ZDHHC21: variants seen among roughly 807,000 people sequenced by gnomAD.
The protein encoded by ZDHHC21 is zDHHC palmitoyltransferase 21.
In ZDHHC21, 15 loss-of-function variants were observed where a neutral mutation model predicts 34.6. The ratio of observed to expected loss-of-function variants is 0.43; its 90% CI spans 0.29 to 0.67. ZDHHC21 has a LOEUF of 0.67. Ranked by LOEUF, ZDHHC21 falls within the 30% of genes least tolerant of loss-of-function variation. ZDHHC21 has a pLI of 0.14. For missense variants in ZDHHC21, 344 were observed against 327.7 expected (o/e 1.05, Z -0.38); for synonymous variants, 142 against 101.8 (o/e 1.40, Z -2.38).
In ZDHHC21 at chr9:14,613,991, A is replaced by C. The variant is rs1216688390; in HGVS notation, c.*4975T>G. The C allele has an allele frequency of 6.6e-6, 1 of 151,826 alleles. No homozygotes were observed. Among genetic ancestry groups the C allele is most frequent in the African/African-American group, 2.4e-5 (1 of 41,434 alleles). 9.4% of individuals were successfully genotyped at this position (151,826 alleles called of 1,614,324 possible). A position where few individuals can be genotyped will look rare whatever the true frequency, so the allele number is the denominator to read the frequency against. On this transcript the variant is annotated 3_prime_UTR_variant, in exon 10 of 10. Transcript: ENST00000380916. ...CCAACTGAAGAGAAACCGCAATATA[A>C]ATTCTTTAAGTTAAATAATTCAAAC...
At chr9:14,690,623 A>C (rs375611464) in intron 1 of ZDHHC21, among the ~76,000 whole-genome samples, 3 of 152,356 alleles carry the variant, frequency 2.0e-5, no homozygotes, top group African/African-American at 7.2e-5. Flanking sequence ...GGCAGAAGGC[A>C]AACTTCAAAA....
intron 5 of ZDHHC21, among the ~76,000 whole-genome samples, chr9:14,672,145 T>C (rs914311025): frequency 6.6e-6 from 1 of 152,050 alleles, no homozygotes; most frequent in African/African-American, 2.4e-5. Context: ...TACTTCAGAG[T>C]AATTCAATAA....
rs1463763777 is a variant in ZDHHC21, at chr9:14,612,163, T to A, written c.*6803A>T. On this transcript the variant is annotated 3_prime_UTR_variant, in exon 10 of 10. Transcript: ENST00000380916. ...TGATATGTTCATCTAGATTTCTACA[T>A]ATCGTTCAAATGATCTGAAGCCACA... 6.6e-6 allele frequency: 1 copy of A among 152,078 alleles called. No homozygotes were observed. The highest frequency in any genetic ancestry group is 2.4e-5 in the African/African-American group (1 of 41,456). The allele number at this position is 152,078 out of a possible 1,614,324, so 9.4% of individuals were successfully genotyped here.
the ZDHHC21 span, among the ~76,000 whole-genome samples, chr9:14,592,847 A>AATC: frequency 6.6e-6 from 1 of 152,192 alleles, no homozygotes; most frequent in Non-Finnish European, 1.5e-5. Context: ...TTAAATTAGA[A>AATC]ATCAACAGCA....
At chr9:14,601,675 T>C in the ZDHHC21 span, among the ~76,000 whole-genome samples, 8 of 152,248 alleles carry the variant, frequency 5.3e-5, no homozygotes, top group African/African-American at 1.9e-4. Flanking sequence ...TAAATCATTC[T>C]ACTATAAAGA....
chr9:14,646,633 G>A (rs932616182), intron 7 of ZDHHC21, among the ~76,000 whole-genome samples: 1 of 151,942 alleles, frequency 6.6e-6, no homozygotes, highest in Non-Finnish European at 1.5e-5. Flanking sequence ...CATAGCTAGC[G>A]AACTTTCAAA....
intron 4 of ZDHHC21, 24 bp from the exon 5 acceptor site, chr9:14,672,952 A>T (rs766812827): frequency 3.5e-6 from 5 of 1,416,652 alleles, no homozygotes; most frequent in South Asian, 1.4e-5. Context: ...AAATTAAATA[A>T]ATTAGTCACT....
intron 3 of ZDHHC21, among the ~76,000 whole-genome samples, chr9:14,675,218 T>A (rs970298401): frequency 6.6e-6 from 1 of 151,858 alleles, no homozygotes; most frequent in Non-Finnish European, 1.5e-5. Flanking sequence ...TATATAAATA[T>A]GGTACCAAAA....
chr9:14,660,733 C>A (rs911513097), intron 6 of ZDHHC21, among the ~76,000 whole-genome samples: 15 of 151,986 alleles, frequency 9.9e-5, no homozygotes, highest in African/African-American at 3.4e-4. Flanking sequence ...ATCACCCCAA[C>A]GTTAGAATTA....
intron 5 of ZDHHC21, among the ~76,000 whole-genome samples, chr9:14,669,883 T>C (rs1455558068): frequency 4.0e-4 from 53 of 133,002 alleles, no homozygotes; most frequent in Admixed American, 1.2e-3. Flanking sequence ...AGGGATAGCA[T>C]TGGGAGATAT....
intron 6 of ZDHHC21, among the ~76,000 whole-genome samples, chr9:14,661,612 A>G (rs563903911): frequency 5.3e-5 from 8 of 152,256 alleles, no homozygotes; most frequent in Non-Finnish European, 7.4e-5. Context: ...TTCGAAGATT[A>G]TATTTCTCAA....
In ZDHHC21 at chr9:14,642,984, A is replaced by G. The variant is rs572896646; in HGVS notation, c.505-2972T>C. On this transcript the variant is annotated intron_variant, in intron 7 of 9. Coordinates refer to ENST00000380916, the MANE Select transcript of ZDHHC21 (RefSeq NM_178566.6). Reference sequence around the variant, plus strand: ...CTGGGTACGGTGGCTCACGCCTGTAATCCCAGCACTTTGGGAGGCCAAGGT... The same window carrying G: ...CTGGGTACGGTGGCTCACGCCTGTAGTCCCAGCACTTTGGGAGGCCAAGGT... Among the ~76,000 whole-genome samples, 265 of 152,316 alleles carry G rather than the reference A, an allele frequency of 1.7e-3. 1 individual carries two copies. The highest frequency in any genetic ancestry group is 6.2e-3 in the African/African-American group (257 of 41,560).
chr9:14,683,510 A>T (rs990988279), intron 2 of ZDHHC21: 13 of 152,210 alleles, frequency 8.5e-5, no homozygotes, highest in African/African-American at 3.1e-4. Flanking sequence ...GAAGAAGTGG[A>T]ATCTCTGAAT....
the ZDHHC21 span, among the ~76,000 whole-genome samples, chr9:14,601,893 G>T: frequency 6.6e-6 from 1 of 152,000 alleles, no homozygotes; most frequent in African/African-American, 2.4e-5. Flanking sequence ...AACGCTCACA[G>T]GAACAGAAAA....
At chr9:14,648,899 A>G (rs1830727792) in intron 7 of ZDHHC21, among the ~76,000 whole-genome samples, 1 of 151,886 alleles carries the variant, frequency 6.6e-6, no homozygotes, top group South Asian at 2.1e-4. Context: ...GCTTATACGT[A>G]CTTTTCTGTG....
intron 8 of ZDHHC21, 98 bp from the exon 9 acceptor site, chr9:14,619,780 T>C (rs7869707): frequency 0.087 from 60,801 of 698,808 alleles, 4,637 homozygotes; most frequent in African/African-American, 0.33. Context: ...CCAAAAATAT[T>C]CTATAGATTT....
downstream of ZDHHC21, among the ~76,000 whole-genome samples, chr9:14,610,356 C>T (rs974065600): frequency 6.6e-6 from 1 of 151,836 alleles, no homozygotes; most frequent in African/African-American, 2.4e-5. Context: ...GATTTATAAT[C>T]CTTAAAAGTT....
chr9:14,648,234 T>C (rs1468846015), intron 7 of ZDHHC21, among the ~76,000 whole-genome samples: 1 of 152,112 alleles, frequency 6.6e-6, no homozygotes, highest in African/African-American at 2.4e-5. Flanking sequence ...CTAATAATCA[T>C]TTCATATTTG....
At chr9:14,676,794 G>C (rs1046076081) in intron 3 of ZDHHC21, among the ~76,000 whole-genome samples, 3 of 151,890 alleles carry the variant, frequency 2.0e-5, no homozygotes, top group African/African-American at 7.2e-5. Context: ...GTTAAAAAGA[G>C]AAACATTCAA....
Sources: allele counts gnomAD v4.1 joint callset (sites outside exome capture counted in the v4.1 genomes callset), GRCh38; gene constraint gnomAD v4.1.1; transcripts MANE v1.5; gene names NCBI Gene and HGNC (gene_info 2026-07-23, HGNC 2026-07-21).